The following JARID2 variants were observed in gnomAD, a reference collection of about 807,000 sequenced individuals.
JARID2 encodes the protein protein Jumonji.
A neutral mutation model predicts 125.6 loss-of-function variants in JARID2; 21 were observed. That is an observed-to-expected ratio of 0.17 (90% CI 0.12 to 0.24). The LOEUF is 0.24. Among genes scored for constraint, JARID2 ranks in the 10% least tolerant of loss-of-function variants. The pLI is 1.00. For synonymous variants in JARID2, 736 were observed against 661.6 expected (o/e 1.11, Z -1.73); for missense variants, 1,303 against 1,639.6 (o/e 0.79, Z 3.55).
At chr6:15,374,516 G>T (rs1764280478) in intron 2 of JARID2, among the ~76,000 whole-genome samples, 1 of 152,208 alleles carries the variant, frequency 6.6e-6, no homozygotes, top group African/African-American at 2.4e-5. Flanking sequence ...CTATATGTAT[G>T]TCTTTCCACA....
At chr6:15,401,058 A>G (rs1395863023) in intron 2 of JARID2, 2 of 1,289,122 alleles carry the variant, frequency 1.6e-6, no homozygotes, top group Non-Finnish European at 2.0e-6. Context: ...ATAGCTCTAG[A>G]TTTGTTTCAG....
At chr6:15,325,557 A>G (rs1762509856) in intron 1 of JARID2, among the ~76,000 whole-genome samples, 1 of 152,168 alleles carries the variant, frequency 6.6e-6, no homozygotes, top group Non-Finnish European at 1.5e-5. Flanking sequence ...GAGGGTGTTC[A>G]GGGGTGACAT....
chr6:15,395,402 A>G (rs565193956), intron 2 of JARID2, among the ~76,000 whole-genome samples: 10 of 151,620 alleles, frequency 6.6e-5, no homozygotes, highest in Non-Finnish European at 1.2e-4. Flanking sequence ...AGTAGTTGGG[A>G]CTACAGGCGT....
chr6:15,468,736 C>G lies in JARID2; in HGVS notation c.670+18C>G. 6.3e-7 allele frequency: 1 copy of G among 1,594,778 alleles called. No homozygotes were observed. The highest frequency in any genetic ancestry group is 8.5e-7 in the Non-Finnish European group (1 of 1,170,170). On this transcript the variant is annotated intron_variant, in intron 5 of 17. Transcript: ENST00000341776. The stretch of plus-strand genomic sequence containing the variant: ...CGGGCATGGTAGGTCCACCGTTGAA[C>G]TTGGATAAGAAAAAATCTAAAGCTT...
At chr6:15,326,577 C>T (rs1329457539) in intron 1 of JARID2, among the ~76,000 whole-genome samples, 1 of 152,222 alleles carries the variant, frequency 6.6e-6, no homozygotes, top group Non-Finnish European at 1.5e-5. Context: ...TCTTCGCTCA[C>T]TGCGACCTCC....
At chr6:15,415,598 A>ACCC (rs1360918505) in intron 3 of JARID2, among the ~76,000 whole-genome samples, 67 of 81,048 alleles carry the variant, frequency 8.3e-4, no homozygotes, top group African/African-American at 3.6e-3. Flanking sequence ...CGGGGGGCTG[A>ACCC]CCCCTCCACC....
At chr6:15,463,446 C>A (rs10561643) in intron 4 of JARID2, among the ~76,000 whole-genome samples, 1 of 10,258 alleles carries the variant, frequency 9.7e-5, no homozygotes, top group Non-Finnish European at 2.4e-4. Flanking sequence ...TTTTTTTTTT[C>A]CGAGGTGGAG....
intron 1 of JARID2, among the ~76,000 whole-genome samples, chr6:15,256,106 T>C (rs1759654184): frequency 6.6e-6 from 1 of 152,196 alleles, no homozygotes; most frequent in African/African-American, 2.4e-5. Context: ...CTTTGTAAAC[T>C]GCATACTGCT....
At chr6:15,352,219 T>C (rs1182743505) in intron 1 of JARID2, among the ~76,000 whole-genome samples, 2 of 152,154 alleles carry the variant, frequency 1.3e-5, no homozygotes, top group Non-Finnish European at 2.9e-5. Flanking sequence ...TAAAGGCTGC[T>C]AAAATCTGAG....
At chr6:15,416,155 C>T (rs566348835) in intron 3 of JARID2, among the ~76,000 whole-genome samples, 21 of 151,916 alleles carry the variant, frequency 1.4e-4, no homozygotes, top group Non-Finnish European at 2.5e-4. Flanking sequence ...GCGCTCCTCA[C>T]TTCCTAGATG....
At chr6:15,409,635 T>A (rs1376052499) in intron 2 of JARID2, among the ~76,000 whole-genome samples, 1 of 152,244 alleles carries the variant, frequency 6.6e-6, no homozygotes, top group Non-Finnish European at 1.5e-5. Context: ...ACTCCCCTGC[T>A]TATCATCTGC....
chr6:15,369,248 G>A, intron 1 of JARID2: 1 of 356,414 alleles, frequency 2.8e-6, no homozygotes. Context: ...CCAAGTTGTG[G>A]CCCACAGACC....
intron 1 of JARID2, among the ~76,000 whole-genome samples, chr6:15,354,193 A>G (rs1310872118): frequency 6.6e-6 from 1 of 152,186 alleles, no homozygotes; most frequent in East Asian, 1.9e-4. Context: ...TGTCAGAGCA[A>G]AAAATGAGAC....
intron 3 of JARID2, among the ~76,000 whole-genome samples, chr6:15,442,987 T>C (rs1767511453): frequency 6.6e-6 from 1 of 152,192 alleles, no homozygotes; most frequent in Non-Finnish European, 1.5e-5. Flanking sequence ...CATGTTTTAT[T>C]TGGGAAAAAG....
chr6:15,507,611 T>C (rs1253641200), intron 11 of JARID2, among the ~76,000 whole-genome samples, 195 bp downstream of exon 11: 1 of 152,006 alleles, frequency 6.6e-6, no homozygotes. Flanking sequence ...GTAGAAAAGG[T>C]GGAAAGGTGA....
At chr6:15,411,598 A>T (rs1195287044) in intron 3 of JARID2, among the ~76,000 whole-genome samples, 2 of 152,232 alleles carry the variant, frequency 1.3e-5, no homozygotes, top group Non-Finnish European at 2.9e-5. Flanking sequence ...GTTATATTAC[A>T]GATATTCCAT....
chr6:15,514,484 C>T (rs1489194678), intron 16 of JARID2, among the ~76,000 whole-genome samples: 1 of 152,188 alleles, frequency 6.6e-6, no homozygotes, highest in East Asian at 1.9e-4. Context: ...CCTCTGCGTC[C>T]CTCTGCTTGT....
chr6:15,485,557 G>A (rs975123763), intron 5 of JARID2, among the ~76,000 whole-genome samples: 6 of 152,186 alleles, frequency 3.9e-5, no homozygotes, highest in Non-Finnish European at 5.9e-5. Flanking sequence ...AGTATATAAG[G>A]GGATTGGGTG....
chr6:15,311,334 T>C (rs1762004607), intron 1 of JARID2, among the ~76,000 whole-genome samples: 1 of 152,068 alleles, frequency 6.6e-6, no homozygotes. Flanking sequence ...TCCCAAAACT[T>C]TGGGAGGCCA....
Sources: gnomAD v4.1 joint callset for allele counts (sites outside exome capture counted in the v4.1 genomes callset) on GRCh38, gnomAD v4.1.1 for gene constraint, MANE v1.5 for transcripts, NCBI Gene and HGNC (gene_info 2026-07-23, HGNC 2026-07-21) for gene names.